The following CTNNA3 variants were observed in gnomAD, a reference collection of about 807,000 sequenced individuals.
The protein encoded by CTNNA3 is catenin alpha-3.
In CTNNA3, 76 loss-of-function variants were observed where a neutral mutation model predicts 95.7. The ratio of observed to expected loss-of-function variants is 0.79; its 90% CI spans 0.66 to 0.96. The LOEUF is 0.96. CTNNA3 is among the 40% of genes least tolerant of loss of function. The pLI is 0.00. For missense variants in CTNNA3, 1,191 were observed against 1,089.8 expected, an observed-to-expected ratio of 1.09 and a Z score of -1.31; for synonymous variants, 431 against 374.4, an observed-to-expected ratio of 1.15 and a Z score of -1.74.
chr10:67,519,584 C>T (rs1839921453), intron 5 of CTNNA3, among the ~76,000 whole-genome samples: 1 of 152,052 alleles, frequency 6.6e-6, no homozygotes, highest in Non-Finnish European at 1.5e-5. Flanking sequence ...AACAACACCA[C>T]CAATAATATT....
chr10:66,389,724 GGAGAGAGAGAGA>G (rs3980751), intron 11 of CTNNA3, among the ~76,000 whole-genome samples: 27 of 145,494 alleles, frequency 1.9e-4, no homozygotes, highest in East Asian at 1.0e-3. Context: ...ATATATATAT[GGAGAGAGAGAGA>G]GAGAGAGAGA....
chr10:66,257,254 T>A (rs2090823761), intron 13 of CTNNA3, among the ~76,000 whole-genome samples: 1 of 152,184 alleles, frequency 6.6e-6, no homozygotes, highest in South Asian at 2.1e-4. Context: ...ATGTTCTTCA[T>A]AGATACAGGG....
rs567447956 is a variant in CTNNA3 at position 66,684,575 on chromosome 10, A to G, written c.1282-62791T>C. ...CAGTCTTTTTCTTCAATTAATTAACATTTAACTGCTTTCTTATAATGAAGG... is the reference window on the plus strand; with the variant it reads ...CAGTCTTTTTCTTCAATTAATTAACGTTTAACTGCTTTCTTATAATGAAGG... On this transcript the variant is annotated intron_variant, in intron 9 of 17. Transcript: ENST00000433211. 3.3e-5 allele frequency among the ~76,000 whole-genome samples: 5 copies of G among 152,156 alleles called. No individual in the cohort carries two copies. The East Asian group carries it at 9.6e-4, about 29-fold the overall frequency.
intron 11 of CTNNA3, among the ~76,000 whole-genome samples, chr10:66,390,383 G>A (rs1185724847): frequency 2.0e-5 from 3 of 151,966 alleles, no homozygotes; most frequent in African/African-American, 7.2e-5. Flanking sequence ...ACATACACAA[G>A]AAAAAGATTC....
chr10:66,846,118 C>A (rs1270769419), intron 7 of CTNNA3, among the ~76,000 whole-genome samples: 4 of 146,136 alleles, frequency 2.7e-5, no homozygotes, highest in African/African-American at 1.1e-4. Context: ...GGTGACAGAG[C>A]GAGACTCTGT....
chr10:66,935,857 T>A (rs1449139515), intron 7 of CTNNA3, among the ~76,000 whole-genome samples: 1 of 149,910 alleles, frequency 6.7e-6, no homozygotes, highest in Non-Finnish European at 1.5e-5. Flanking sequence ...ATTAATCCTA[T>A]ACATTTTCAC....
intron 7 of CTNNA3, among the ~76,000 whole-genome samples, chr10:66,788,887 C>A (rs1018451601): frequency 2.0e-5 from 3 of 152,104 alleles, no homozygotes; most frequent in African/African-American, 7.2e-5. Flanking sequence ...GGGTGCCAGT[C>A]AACCTGGTGA....
Position 67,190,435 on chromosome 10 carries a change from G to T in CTNNA3, c.844-9915C>A, listed in dbSNP as rs958137637. 6.8e-4 allele frequency among the ~76,000 whole-genome samples: 103 copies of T among 151,990 alleles called. 2 individuals carry two copies. Among genetic ancestry groups the T allele is most frequent in the African/African-American group, 2.4e-3 (100 of 41,542 alleles). ...CCAATACCATAGCAATTATTATTTTGGGGGGAGGATGAGACAAGAACCCAA... is the reference window on the plus strand; with the variant it reads ...CCAATACCATAGCAATTATTATTTTTGGGGGAGGATGAGACAAGAACCCAA... On this transcript the variant is annotated intron_variant, in intron 6 of 17. Transcript: ENST00000433211.
chr10:66,741,387 T>C (rs1163420336), intron 9 of CTNNA3, among the ~76,000 whole-genome samples: 1 of 152,154 alleles, frequency 6.6e-6, no homozygotes, highest in East Asian at 1.9e-4. Flanking sequence ...GTGAGTACCA[T>C]GGAAGAAAAC....
intron 7 of CTNNA3, among the ~76,000 whole-genome samples, chr10:67,005,688 T>TTTTTTTTGTTTGTTTG (rs1305181472): frequency 2.0e-5 from 2 of 98,896 alleles, no homozygotes; most frequent in African/African-American, 7.1e-5. Context: ...CCATCTTTTT[T>TTTTTTTTGTTTGTTTG]TTTTTTTTTT....
chr10:66,796,473 G>A (rs116607981), intron 7 of CTNNA3, among the ~76,000 whole-genome samples: 4 of 151,868 alleles, frequency 2.6e-5, no homozygotes, highest in South Asian at 2.1e-4. Context: ...ATAAAAGATC[G>A]CTGATCACAG....
chr10:66,226,455 A>C (rs1947731), intron 13 of CTNNA3, among the ~76,000 whole-genome samples: 122,842 of 152,094 alleles, frequency 0.81, 49,953 homozygotes, highest in South Asian at 0.94. Flanking sequence ...ATTACTATAG[A>C]TTTGTAGTAT....
chr10:67,299,532 T>TC (rs1256761099), intron 5 of CTNNA3, among the ~76,000 whole-genome samples: 3 of 152,168 alleles, frequency 2.0e-5, no homozygotes, highest in South Asian at 2.1e-4. Context: ...CCGTGTAAAG[T>TC]CACCCTGGTA....
At chr10:66,190,078 C>T (rs2086588448) in intron 13 of CTNNA3, among the ~76,000 whole-genome samples, 1 of 152,132 alleles carries the variant, frequency 6.6e-6, no homozygotes, top group Non-Finnish European at 1.5e-5. Context: ...AGAAGCTCAA[C>T]AACTTCCAGT....
chr10:67,051,563 G>A (rs1321212313), intron 7 of CTNNA3, among the ~76,000 whole-genome samples: 1 of 150,886 alleles, frequency 6.6e-6, no homozygotes, highest in African/African-American at 2.4e-5. Context: ...AGGTTCAAGC[G>A]ATTCTCCTGC....
chr10:66,973,955 A>C (rs2132842038), intron 7 of CTNNA3, among the ~76,000 whole-genome samples: 1 of 152,276 alleles, frequency 6.6e-6, no homozygotes, highest in South Asian at 2.1e-4. Flanking sequence ...TTGAAATATA[A>C]TTTTCATAAA....
At chr10:66,424,049 T>G (rs74143921) in intron 11 of CTNNA3, among the ~76,000 whole-genome samples, 2,327 of 152,264 alleles carry the variant, frequency 0.015, 76 homozygotes, top group African/African-American at 0.054. Context: ...AAGAATATTT[T>G]ATTTCATGAA....
intron 1 of CTNNA3, among the ~76,000 whole-genome samples, chr10:67,720,129 CT>C (rs58074397): frequency 3.0e-3 from 20 of 6,610 alleles, no homozygotes; most frequent in South Asian, 0.019. Context: ...GCAACCCCTG[CT>C]TTTTTTTTTT....
At chr10:67,155,853 T>C (rs1861290407) in intron 7 of CTNNA3, among the ~76,000 whole-genome samples, 1 of 152,162 alleles carries the variant, frequency 6.6e-6, no homozygotes. Context: ...TTAGAAGAGC[T>C]TGAGAAGGAT....
Sources: gnomAD v4.1 joint callset for allele counts (sites outside exome capture counted in the v4.1 genomes callset) on GRCh38, gnomAD v4.1.1 for gene constraint, MANE v1.5 for transcripts, NCBI Gene and HGNC (gene_info 2026-07-23, HGNC 2026-07-21) for gene names.